The following CD96 variants were observed in gnomAD, a reference collection of about 807,000 sequenced individuals.
The protein encoded by CD96 is CD96 molecule.
In CD96, 70 loss-of-function variants were observed where a neutral mutation model predicts 71.3. That is an observed-to-expected ratio of 0.98 (90% CI 0.81 to 1.20). The LOEUF (loss-of-function observed/expected upper bound fraction) is 1.20. CD96 is among the 50% of genes most tolerant of loss of function. The pLI is 0.00. For synonymous variants in CD96, 248 were observed against 233.0 expected, an observed-to-expected ratio of 1.06 and a Z score of -0.59; for missense variants, 742 against 677.5, an observed-to-expected ratio of 1.10 and a Z score of -1.06.
chr3:111,593,413 A>C, intron 5 of CD96: 1 of 1,140,378 alleles, frequency 8.8e-7, no homozygotes, highest in Non-Finnish European at 1.2e-6. Context: ...AGATTAACTC[A>C]TACTGTGCAC....
intron 12 of CD96, among the ~76,000 whole-genome samples, chr3:111,644,191 A>G (rs528086770): frequency 1.4e-4 from 22 of 152,316 alleles, no homozygotes; most frequent in African/African-American, 5.1e-4. Flanking sequence ...CTGATCTTCA[A>G]CAAAGCAAAC....
chr3:111,554,575 T>C (rs887826534), intron 2 of CD96, among the ~76,000 whole-genome samples: 1 of 152,076 alleles, frequency 6.6e-6, no homozygotes, highest in Non-Finnish European at 1.5e-5. Flanking sequence ...ATATACTGCA[T>C]CTATATCAAA....
At chr3:111,584,201 A>G (rs1285137625) in intron 4 of CD96, among the ~76,000 whole-genome samples, 1 of 152,182 alleles carries the variant, frequency 6.6e-6, no homozygotes, top group African/African-American at 2.4e-5. Context: ...GCTAAAACAT[A>G]ACAAGAGTCA....
At chr3:111,550,488 A>G (rs557158908) in intron 2 of CD96, among the ~76,000 whole-genome samples, 1 of 152,250 alleles carries the variant, frequency 6.6e-6, no homozygotes, top group South Asian at 2.1e-4. Flanking sequence ...TAGTTGAAAA[A>G]GGGTAGTTAA....
chr3:111,593,407 T>G, intron 5 of CD96: 1 of 1,082,570 alleles, frequency 9.2e-7, no homozygotes, highest in South Asian at 2.1e-5. Context: ...CTGCTCAGAT[T>G]AACTCATACT....
chr3:111,577,320 T>C (rs190307355), intron 3 of CD96, among the ~76,000 whole-genome samples: 1 of 152,296 alleles, frequency 6.6e-6, no homozygotes, highest in Admixed American at 6.5e-5. Context: ...CAAACGTACC[T>C]GTGCCAAAAG....
chr3:111,600,673 A>T, intron 6 of CD96, 53 bp from the exon 7 acceptor site: 1 of 1,331,302 alleles, frequency 7.5e-7, no homozygotes, highest in East Asian at 2.3e-5. Flanking sequence ...GCATTATTGT[A>T]TGGCTCATAC....
At chr3:111,641,899 A>T (rs960638329) in intron 12 of CD96, among the ~76,000 whole-genome samples, 1 of 152,246 alleles carries the variant, frequency 6.6e-6, no homozygotes, top group Non-Finnish European at 1.5e-5. Flanking sequence ...CTGAATGAGC[A>T]TTGGGTCAAA....
At chr3:111,600,952 T>G (rs552686557) in intron 7 of CD96, 38 bp downstream of exon 7, 59 of 1,268,424 alleles carry the variant, frequency 4.7e-5, no homozygotes, top group Non-Finnish European at 6.6e-5. Flanking sequence ...AAGAGTTTGC[T>G]AAGACTGCCA....
intron 8 of CD96, among the ~76,000 whole-genome samples, chr3:111,623,037 C>G (rs981540746): frequency 8.5e-5 from 13 of 152,160 alleles, no homozygotes; most frequent in Admixed American, 2.0e-4. Flanking sequence ...CTTTTATCTT[C>G]TTGTATTGCA....
At chr3:111,608,139 T>C (rs556592050) in intron 8 of CD96, among the ~76,000 whole-genome samples, 1 of 152,338 alleles carries the variant, frequency 6.6e-6, no homozygotes, top group East Asian at 1.9e-4. Flanking sequence ...AAGGCCTGAC[T>C]GGAACTAAAG....
chr3:111,584,816 A>C (rs1158118262), intron 4 of CD96, among the ~76,000 whole-genome samples: 2 of 152,182 alleles, frequency 1.3e-5, no homozygotes, highest in African/African-American at 2.4e-5. Flanking sequence ...GACAGAGCCA[A>C]ACCATATCAT....
intron 8 of CD96, among the ~76,000 whole-genome samples, chr3:111,618,587 T>TC (rs1238760752): frequency 6.7e-6 from 1 of 149,076 alleles, no homozygotes; most frequent in African/African-American, 2.5e-5. Context: ...TCTCTCTTTT[T>TC]TTTTTTTTTT....
At chr3:111,622,197 G>A (rs1938549080) in intron 8 of CD96, among the ~76,000 whole-genome samples, 1 of 152,108 alleles carries the variant, frequency 6.6e-6, no homozygotes, top group Admixed American at 6.5e-5. Flanking sequence ...GCCAGGCCTG[G>A]GGAAGAAAGA....
intron 5 of CD96, among the ~76,000 whole-genome samples, chr3:111,590,714 G>A (rs1267257569): frequency 6.6e-6 from 1 of 152,126 alleles, no homozygotes; most frequent in Non-Finnish European, 1.5e-5. Flanking sequence ...AAATTTCAGG[G>A]CCCCTCCATG....
chr3:111,615,364 A>G (rs77033499), intron 8 of CD96, among the ~76,000 whole-genome samples: 26 of 152,352 alleles, frequency 1.7e-4, no homozygotes, highest in Non-Finnish European at 2.5e-4. Flanking sequence ...GAGAATGCAG[A>G]AAAGGGAAAG....
chr3:111,577,945 TGTTTAGA>T (rs1936292268), intron 3 of CD96, among the ~76,000 whole-genome samples: 1 of 152,176 alleles, frequency 6.6e-6, no homozygotes, highest in South Asian at 2.1e-4. Flanking sequence ...ATTCATCTGT[TGTTTAGA>T]GTTAGGCCAG....
intron 13 of CD96, 124 bp from the exon 14 acceptor site, chr3:111,649,574 G>A (rs949875455): frequency 8.3e-6 from 6 of 722,810 alleles, no homozygotes; most frequent in Non-Finnish European, 1.5e-5. Flanking sequence ...TGAAAGAACT[G>A]GGAGAGTATG....
intron 8 of CD96, among the ~76,000 whole-genome samples, chr3:111,615,032 C>A (rs917318308): frequency 1.3e-5 from 2 of 152,218 alleles, no homozygotes; most frequent in Non-Finnish European, 2.9e-5. Context: ...CACTGCCTCG[C>A]ATGTCCTGCA....
Sources: allele counts gnomAD v4.1 joint callset (sites outside exome capture counted in the v4.1 genomes callset), GRCh38; gene constraint gnomAD v4.1.1; transcripts MANE v1.5; gene names NCBI Gene and HGNC (gene_info 2026-07-23, HGNC 2026-07-21).